MAPKBP1: variants seen among roughly 807,000 people sequenced by gnomAD.
MAPKBP1 encodes the protein mitogen-activated protein kinase-binding protein 1.
In MAPKBP1, 71 loss-of-function variants were observed where a neutral mutation model predicts 170.5. That is an observed-to-expected ratio of 0.42 (90% CI 0.34 to 0.51). MAPKBP1 has a LOEUF of 0.51. Ranked by LOEUF, MAPKBP1 falls within the 20% of genes least tolerant of loss-of-function variation. The pLI is 0.06. For missense variants in MAPKBP1, 1,598 were observed against 1,933.0 expected (o/e 0.83, Z 3.25); for synonymous variants, 719 against 757.9 (o/e 0.95, Z 0.84).
At position 41,793,343 on chromosome 15, in the gene MAPKBP1, C is replaced by T. The variant is rs552472091; in HGVS notation, c.115-6480C>T. ...TCTACTAAAAATACAAAAAATTAGC[C>T]GGACGTGGTGGCATGTGCCTGTAGT... is the stretch of plus-strand genomic sequence containing the variant. On this transcript the variant is annotated intron_variant, in intron 2 of 30. Coordinates refer to ENST00000457542, the MANE Select transcript of MAPKBP1 (RefSeq NM_014994.3). 3.3e-5 allele frequency among the ~76,000 whole-genome samples: 5 copies of T among 152,086 alleles called. 1 individual carries two copies. Among genetic ancestry groups the T allele is most frequent in the South Asian group, 2.1e-4 (1 of 4,812 alleles).
At chr15:41,781,589 G>A (rs1489712031) in intron 2 of MAPKBP1, among the ~76,000 whole-genome samples, 1 of 152,092 alleles carries the variant, frequency 6.6e-6, no homozygotes, top group Admixed American at 6.5e-5. Context: ...GCTGCAGTGA[G>A]CTATGATGGC....
intron 3 of MAPKBP1, among the ~76,000 whole-genome samples, chr15:41,809,073 CAAAA>C (rs34394712): frequency 1.8e-5 from 2 of 113,894 alleles, no homozygotes; most frequent in African/African-American, 3.5e-5. Flanking sequence ...GACCCTGCCT[CAAAA>C]AAAAAAAAAA....
At chr15:41,811,449 C>T in intron 5 of MAPKBP1, 1 of 702,920 alleles carries the variant, frequency 1.4e-6, no homozygotes. Flanking sequence ...GCCTGGTCCT[C>T]AGAGTTTCTG....
chr15:41,808,953 C>A (rs2064754465), intron 3 of MAPKBP1, among the ~76,000 whole-genome samples: 1 of 151,734 alleles, frequency 6.6e-6, no homozygotes, highest in Non-Finnish European at 1.5e-5. Flanking sequence ...GTAATCCCAG[C>A]TACTTGGGAG....
intron 2 of MAPKBP1, among the ~76,000 whole-genome samples, chr15:41,793,729 C>T (rs1255015243): frequency 3.3e-5 from 5 of 152,144 alleles, no homozygotes; most frequent in African/African-American, 1.2e-4. Context: ...CAAAAATCCC[C>T]CTGGCTTAAG....
At chr15:41,802,512 C>T (rs1327411987) in intron 3 of MAPKBP1, among the ~76,000 whole-genome samples, 1 of 152,162 alleles carries the variant, frequency 6.6e-6, no homozygotes, top group African/African-American at 2.4e-5. Flanking sequence ...CTCCCTCTGT[C>T]ACCCAGGCTG....
Position 41,801,262 on chromosome 15 carries a change from T to G in MAPKBP1, c.206+1348T>G, listed in dbSNP as rs1371200992. ...GAGAAGTAGGGGAGTGGGGCTACTA[T>G]TCTTTCTCTTGCTGCCTTTTCACTC... On this transcript the variant is annotated intron_variant, in intron 3 of 30. Coordinates refer to ENST00000457542, the MANE Select transcript of MAPKBP1 (RefSeq NM_014994.3). Among the ~76,000 whole-genome samples the G allele has an allele frequency of 2.0e-5, 3 of 152,198 alleles. No individual in the cohort carries two copies. In the East Asian group the frequency reaches 5.8e-4, roughly 29 times the overall value.
At position 41,823,583 on chromosome 15, in the gene MAPKBP1, C is replaced by G; in HGVS notation, c.3735C>G (p.Thr1245=). Residue 1245 remains threonine (T), a synonymous_variant, in exon 29 of 31, where the codon ACC becomes ACG. Coordinates refer to ENST00000457542, the MANE Select transcript of MAPKBP1 (RefSeq NM_014994.3). ...GGCCTCACTCCTATCAGAACCCCAC[C>G]ACCAGTTCCATGGCCAAGATATCCC... is the stretch of plus-strand genomic sequence containing the variant. ...PSRPHSYQNP[T]TSSMAKISRS... 6.2e-7 allele frequency: 1 copy of G among 1,614,192 alleles called. No homozygotes were observed. Among genetic ancestry groups the G allele is most frequent in the Non-Finnish European group, 8.5e-7 (1 of 1,180,022 alleles).
At chr15:41,789,140 T>C (rs2064349449) in intron 2 of MAPKBP1, among the ~76,000 whole-genome samples, 1 of 152,178 alleles carries the variant, frequency 6.6e-6, no homozygotes, top group African/African-American at 2.4e-5. Flanking sequence ...ACAGTTAATA[T>C]TCTCACTGGT....
chr15:41,811,679 C>T (rs1411967624), intron 5 of MAPKBP1: 6 of 651,050 alleles, frequency 9.2e-6, no homozygotes, highest in Admixed American at 2.1e-5. Flanking sequence ...CTCTCAATGC[C>T]GGCTGCCCAT....
chr15:41,821,934 C>A, intron 24 of MAPKBP1, 31 bp from the exon 25 acceptor site: 1 of 1,604,774 alleles, frequency 6.2e-7, no homozygotes, highest in Admixed American at 1.7e-5. Flanking sequence ...CTGCTCACTG[C>A]CTTTTCTTCT....
In MAPKBP1 at chr15:41,827,449, C is replaced by A. The variant is rs940810973; in HGVS notation, c.*2013C>A. 6.6e-5 allele frequency: 10 copies of A among 152,374 alleles called. No homozygotes were observed. The highest frequency in any genetic ancestry group is 2.4e-4 in the African/African-American group (10 of 41,512). The allele number at this position is 152,374 out of a possible 1,614,324, so 9.4% of individuals were successfully genotyped here. A position where few individuals can be genotyped will look rare whatever the true frequency, so the allele number is the denominator to read the frequency against. The stretch of plus-strand genomic sequence containing the variant: ...GAACTCCCGCGGCGGCGGGGGCGGG[C>A]CCGTGCCTGCTGTGCCCCGACTTCC... On this transcript the variant is annotated 3_prime_UTR_variant, in exon 31 of 31. Transcript: ENST00000457542.
intron 2 of MAPKBP1, among the ~76,000 whole-genome samples, chr15:41,786,727 T>C (rs1208834995): frequency 1.6e-5 from 2 of 122,714 alleles, no homozygotes; most frequent in Non-Finnish European, 3.2e-5. Context: ...ATTGCGCCAC[T>C]GCACTCCAGC....
intron 2 of MAPKBP1, among the ~76,000 whole-genome samples, chr15:41,779,291 A>C (rs1033107920): frequency 1.3e-5 from 2 of 152,102 alleles, no homozygotes; most frequent in Non-Finnish European, 2.9e-5. Context: ...GCTCACTGCA[A>C]ACTCTGCCTC....
Position 41,812,569 on chromosome 15 carries a change from C to T in MAPKBP1, c.552C>T (p.Ser184=), listed in dbSNP as rs1185059496. The T allele has an allele frequency of 1.9e-6, 3 of 1,614,158 alleles. No individual in the cohort carries two copies. The highest frequency in any genetic ancestry group is 2.2e-5 in the South Asian group (2 of 91,056). ...NKVSSRVTAV[S]FSEDCSYFVT... ...TGTCCAGTCGGGTGACAGCAGTGTC[C>T]TTCTCTGAGGATTGCAGCTACTTTG... Residue 184 remains serine (S), a synonymous_variant, in exon 7 of 31, where the codon TCC becomes TCT. Coordinates refer to ENST00000457542, the MANE Select transcript of MAPKBP1 (RefSeq NM_014994.3).
chr15:41,807,511 C>A (rs989661416), intron 3 of MAPKBP1, among the ~76,000 whole-genome samples: 21 of 152,156 alleles, frequency 1.4e-4, no homozygotes, highest in African/African-American at 5.1e-4. Flanking sequence ...TCAGCTGAAG[C>A]CCTTTACTGT....
At chr15:41,784,117 C>T (rs1324185849) in intron 2 of MAPKBP1, among the ~76,000 whole-genome samples, 1 of 152,226 alleles carries the variant, frequency 6.6e-6, no homozygotes, top group African/African-American at 2.4e-5. Flanking sequence ...CTCCATTACC[C>T]TGACATTCAT....
At chr15:41,795,608 CTTAT>C (rs1191403076) in intron 2 of MAPKBP1, among the ~76,000 whole-genome samples, 3 of 151,922 alleles carry the variant, frequency 2.0e-5, no homozygotes, top group African/African-American at 4.8e-5. Context: ...TATTTATTTA[CTTAT>C]TTATTTATTT....
chr15:41,801,372 A>C (rs1229196917), intron 3 of MAPKBP1, among the ~76,000 whole-genome samples: 1 of 152,112 alleles, frequency 6.6e-6, no homozygotes, highest in Non-Finnish European at 1.5e-5. Flanking sequence ...CTTCTGGCTC[A>C]CTCTGTTCCA....
Sources: gnomAD v4.1 joint callset for allele counts (sites outside exome capture counted in the v4.1 genomes callset) on GRCh38, gnomAD v4.1.1 for gene constraint, MANE v1.5 for transcripts, NCBI Gene and HGNC (gene_info 2026-07-23, HGNC 2026-07-21) for gene names.